Variants in TKTL1 observed in about 807,000 individuals in gnomAD.
TKTL1 encodes the protein transketolase-like protein 1.
Under a neutral mutation model 39.3 loss-of-function variants are expected in TKTL1, and 1 was observed. The observed-to-expected ratio is 0.03, with a 90% CI of 0.01 to 0.12. The LOEUF (loss-of-function observed/expected upper bound fraction) is 0.12, where lower values mean the gene tolerates loss of function less well. Ranked by LOEUF, TKTL1 falls within the 10% of genes least tolerant of loss-of-function variation. The pLI, the probability that TKTL1 is intolerant of heterozygous loss-of-function variation, is 1.00. For synonymous variants in TKTL1, 262 were observed against 193.8 expected, an observed-to-expected ratio of 1.35 and a Z score of -2.92; for missense variants, 575 against 509.6, an observed-to-expected ratio of 1.13 and a Z score of -1.24.
At chrX:154,308,020 C>A (rs1557167572) in intron 2 of TKTL1, among the ~76,000 whole-genome samples, 1 of 111,715 alleles carries the variant, frequency 9.0e-6, no homozygotes, top group African/African-American at 3.3e-5. Flanking sequence ...AAATACCATC[C>A]ATCCATCTAC....
chrX:154,302,715 ATTAAG>A (rs1172141160), intron 1 of TKTL1, among the ~76,000 whole-genome samples: 9 of 112,029 alleles, frequency 8.0e-5, no homozygotes, highest in Admixed American at 1.9e-4. Flanking sequence ...TGTAGGTGAA[ATTAAG>A]TTAAGGATCT....
At chrX:154,311,359 C>T (rs2067356330) in intron 5 of TKTL1, 121 bp downstream of exon 5, 15 of 991,163 alleles carry the variant, frequency 1.5e-5, no homozygotes, top group Non-Finnish European at 1.9e-5. Flanking sequence ...GCAGTTCTGC[C>T]TGGAGTATAT....
At chrX:154,312,352 T>C (rs372183696) in intron 5 of TKTL1, among the ~76,000 whole-genome samples, 1 of 111,738 alleles carries the variant, frequency 8.9e-6, no homozygotes, top group African/African-American at 3.3e-5. Flanking sequence ...GCACTCCAGC[T>C]TGGGGAGGAG....
chrX:154,308,986 C>T (rs2067335389), intron 2 of TKTL1, among the ~76,000 whole-genome samples: 1 of 110,918 alleles, frequency 9.0e-6, no homozygotes, highest in Non-Finnish European at 1.9e-5. Flanking sequence ...TTTACGTTTT[C>T]TGCTTTGTAC....
rs1331796523 is a variant in TKTL1 at position 154,329,899 on chromosome X, A to G, written c.*211A>G. 1.6e-5 allele frequency: 6 copies of G among 376,777 alleles called. No homozygotes were observed. Among genetic ancestry groups the G allele is most frequent in the Non-Finnish European group, 2.7e-5 (6 of 224,651 alleles). 31.1% of individuals were successfully genotyped at this position (376,777 alleles called of 1,213,427 possible). A position where few individuals can be genotyped will look rare whatever the true frequency, so the allele number is the denominator to read the frequency against. On this transcript the variant is annotated 3_prime_UTR_variant, in exon 13 of 13. Coordinates refer to ENST00000369915, the MANE Select transcript of TKTL1 (RefSeq NM_012253.4). ...GTACCGCTCTAATTTTTGGATCATT[A>G]AAGGGAGTTACACAACTTTTAAGTG...
chrX:154,298,403 GT>G (rs2148797593), intron 1 of TKTL1, among the ~76,000 whole-genome samples: 1 of 111,517 alleles, frequency 9.0e-6, no homozygotes, highest in East Asian at 2.8e-4. Flanking sequence ...AGCTAGTTTT[GT>G]TGACCTTTTA....
chrX:154,325,669 A>G (rs1340362326), intron 10 of TKTL1, among the ~76,000 whole-genome samples: 3 of 112,586 alleles, frequency 2.7e-5, no homozygotes, highest in Non-Finnish European at 5.6e-5. Context: ...AGATAGTAAC[A>G]TGAAGCCACT....
At position 154,329,901 on chromosome X, in the gene TKTL1, A is replaced by G; in HGVS notation, c.*213A>G. 2.7e-6 allele frequency: 1 copy of G among 374,863 alleles called. No homozygotes were observed. Among genetic ancestry groups the G allele is most frequent in the Non-Finnish European group, 4.5e-6 (1 of 221,993 alleles). The allele number at this position is 374,863 out of a possible 1,213,427, so 30.9% of individuals were successfully genotyped here. A position where few individuals can be genotyped will look rare whatever the true frequency, so the allele number is the denominator to read the frequency against. Reference sequence around the variant, plus strand: ...ACCGCTCTAATTTTTGGATCATTAAAGGGAGTTACACAACTTTTAAGTGAA... The same window carrying G: ...ACCGCTCTAATTTTTGGATCATTAAGGGGAGTTACACAACTTTTAAGTGAA... On this transcript the variant is annotated 3_prime_UTR_variant, in exon 13 of 13. Transcript: ENST00000369915.
rs1456557159 is a variant in TKTL1, at chrX:154,329,825, G to A, written c.*137G>A. ...TAACACCTTCATTCATCCCTAGTTC[G>A]GAAATTCAAGCTAACTACTTACCCT... On this transcript the variant is annotated 3_prime_UTR_variant, in exon 13 of 13. Coordinates refer to ENST00000369915, the MANE Select transcript of TKTL1 (RefSeq NM_012253.4). The A allele has an allele frequency of 4.7e-5, 32 of 680,904 alleles. 1 individual carries two copies. In the South Asian group the frequency reaches 7.0e-4, roughly 15 times the overall value. The allele number at this position is 680,904 out of a possible 1,213,427, so 56.1% of individuals were successfully genotyped here.
Position 154,295,892 on chromosome X carries a change from G to C in TKTL1, c.33G>C (p.Pro11=), listed in dbSNP as rs139493929. The change falls in exon 1 of 13, where the codon CCG becomes CCC. Residue 11 remains proline (P), a synonymous_variant. Coordinates refer to ENST00000369915, the MANE Select transcript of TKTL1 (RefSeq NM_012253.4). MADAEARAEF[P]EEARPDRGTL... ...ATGCTGAGGCGAGGGCTGAGTTCCC[G>C]GAGGAGGCCAGACCTGACAGGGGCA... is the stretch of plus-strand genomic sequence containing the variant. 1 of 1,210,258 alleles carries C rather than the reference G, an allele frequency of 8.3e-7. No individual in the cohort carries two copies. Among genetic ancestry groups the C allele is most frequent in the African/African-American group, 1.7e-5 (1 of 57,297 alleles).
At chrX:154,313,243 C>T (rs781943902) in intron 6 of TKTL1, among the ~76,000 whole-genome samples, 1 of 112,703 alleles carries the variant, frequency 8.9e-6, no homozygotes, top group African/African-American at 3.2e-5. Flanking sequence ...ACTGCCACGA[C>T]TCTGTGTCTC....
In TKTL1 at chrX:154,309,370, C is replaced by T. The variant is rs781793127; in HGVS notation, c.278C>T (p.Thr93Ile). 2 of 1,209,850 alleles carry T rather than the reference C, an allele frequency of 1.7e-6. No homozygotes were observed. Among genetic ancestry groups the T allele is most frequent in the East Asian group, 3.0e-5 (1 of 33,772 alleles). Residue 93 changes from threonine to isoleucine, a missense_variant, in exon 3 of 13, where the codon ACA becomes ATA. By Grantham distance (89) the Thr-to-Ile change is moderately conservative. Coordinates refer to ENST00000369915, the MANE Select transcript of TKTL1 (RefSeq NM_012253.4). ...AGACTGTCGTTTGTGGATGTGGCAACAGGATGGCTCGGACAAGGACTGGGA... is the reference window on the plus strand; with the variant it reads ...AGACTGTCGTTTGTGGATGTGGCAATAGGATGGCTCGGACAAGGACTGGGA... ...AKRLSFVDVA[T>I]GWLGQGLGVA...
At chrX:154,297,199 C>T (rs191240025) in intron 1 of TKTL1, among the ~76,000 whole-genome samples, 4 of 111,398 alleles carry the variant, frequency 3.6e-5, no homozygotes, top group Non-Finnish European at 1.9e-5. Context: ...TGCTAGTATG[C>T]GGTTGATGGT....
At chrX:154,323,084 C>G in intron 8 of TKTL1, 123 bp from the exon 9 acceptor site, 1 of 900,058 alleles carries the variant, frequency 1.1e-6, no homozygotes, top group Admixed American at 3.1e-5. Flanking sequence ...TTATGGGGCT[C>G]TGCTACAGCT....
chrX:154,303,539 CT>C (rs2148801154), intron 1 of TKTL1, among the ~76,000 whole-genome samples: 1 of 105,180 alleles, frequency 9.5e-6, no homozygotes, highest in East Asian at 3.0e-4. Context: ...CCTCTCCCTC[CT>C]TTTTATCATT....
chrX:154,300,602 T>C (rs2067266001), intron 1 of TKTL1, among the ~76,000 whole-genome samples: 1 of 112,227 alleles, frequency 8.9e-6, no homozygotes, highest in Non-Finnish European at 1.9e-5. Context: ...GTAGTGCTAC[T>C]GATTTGTGTG....
intron 12 of TKTL1, among the ~76,000 whole-genome samples, chrX:154,328,679 C>T (rs1418679358): frequency 9.4e-6 from 1 of 106,724 alleles, no homozygotes; most frequent in Non-Finnish European, 1.9e-5. Flanking sequence ...GCAGTGTTTG[C>T]GCCTGGAAAG....
At chrX:154,316,602 C>A (rs912435304) in intron 7 of TKTL1, among the ~76,000 whole-genome samples, 9 of 110,805 alleles carry the variant, frequency 8.1e-5, no homozygotes, top group African/African-American at 3.0e-4. Flanking sequence ...TTTCTGGATT[C>A]TTTTGAAAAA....
chrX:154,302,327 A>G (rs782687041), intron 1 of TKTL1, among the ~76,000 whole-genome samples: 1 of 111,648 alleles, frequency 9.0e-6, no homozygotes, highest in South Asian at 3.7e-4. Flanking sequence ...CACCCAAATC[A>G]GTTATCACTT....
Sources: allele counts gnomAD v4.1 joint callset (sites outside exome capture counted in the v4.1 genomes callset), GRCh38; gene constraint gnomAD v4.1.1; transcripts MANE v1.5; gene names NCBI Gene and HGNC (gene_info 2026-07-23, HGNC 2026-07-21).